The following NBAS variants were observed in gnomAD, a reference collection of about 807,000 sequenced individuals.
NBAS encodes the protein NAG/BC035112 fusion.
A neutral mutation model predicts 302.5 loss-of-function variants in NBAS; 219 were observed. That is an observed-to-expected ratio of 0.72 (90% CI 0.65 to 0.81). The LOEUF (loss-of-function observed/expected upper bound fraction) is 0.81. Among genes scored for constraint, NBAS ranks in the 30% least tolerant of loss-of-function variants. The pLI, the probability that NBAS is intolerant of heterozygous loss-of-function variation, is 0.00. For synonymous variants in NBAS, 1,118 were observed against 1,021.6 expected (o/e 1.09, Z -1.80); for missense variants, 2,932 against 2,841.6 (o/e 1.03, Z -0.72).
At chr2:15,139,650 T>C in the NBAS span, among the ~76,000 whole-genome samples, 2 of 152,196 alleles carry the variant, frequency 1.3e-5, no homozygotes, top group Non-Finnish European at 2.9e-5. Context: ...TTTATTGGTC[T>C]CATTTATGAA....
At chr2:14,986,485 C>CAT in the NBAS span, among the ~76,000 whole-genome samples, 2 of 152,100 alleles carry the variant, frequency 1.3e-5, no homozygotes, top group Non-Finnish European at 2.9e-5. Flanking sequence ...AGGAGGTTTT[C>CAT]ATATATATTA....
chr2:15,110,122 G>A, the NBAS span, among the ~76,000 whole-genome samples: 1 of 152,062 alleles, frequency 6.6e-6, no homozygotes, highest in Non-Finnish European at 1.5e-5. Flanking sequence ...GAGTGGCCAA[G>A]GGAAGCTGCA....
At chr2:15,321,767 AG>A (rs1478348877) in intron 38 of NBAS, among the ~76,000 whole-genome samples, 5 of 152,210 alleles carry the variant, frequency 3.3e-5, no homozygotes, top group African/African-American at 1.2e-4. Flanking sequence ...GTGGAGAAAC[AG>A]GAACACTTTT....
At chr2:14,854,189 A>G in the NBAS span, among the ~76,000 whole-genome samples, 1 of 151,980 alleles carries the variant, frequency 6.6e-6, no homozygotes, top group African/African-American at 2.4e-5. Context: ...TGCAGTACTA[A>G]GAGGGAAGTT....
At chr2:15,480,796 G>T (rs1278656225) in intron 12 of NBAS, among the ~76,000 whole-genome samples, 2 of 152,156 alleles carry the variant, frequency 1.3e-5, no homozygotes, top group African/African-American at 4.8e-5. Flanking sequence ...TTTTAGGGGG[G>T]ATGTTAATGA....
intron 9 of NBAS, among the ~76,000 whole-genome samples, chr2:15,513,458 T>C (rs1042622340): frequency 6.6e-6 from 1 of 152,194 alleles, no homozygotes; most frequent in African/African-American, 2.4e-5. Flanking sequence ...GGAGTATATC[T>C]AGTGCAGATA....
At position 15,475,547 on chromosome 2, in the gene NBAS, ATAC is replaced by A. The variant is rs543574950; in HGVS notation, c.1341+137_1341+139del. Reference sequence around the variant, plus strand: ...TTATTCACTAAAAAATGGATTTTTTATACTACAACCATTACCTGATTCCAATCA... The same window carrying A: ...TTATTCACTAAAAAATGGATTTTTTATACAACCATTACCTGATTCCAATCA... On this transcript the variant is annotated intron_variant, in intron 14 of 51. Coordinates refer to ENST00000281513, the MANE Select transcript of NBAS (RefSeq NM_015909.4). 7.6e-5 allele frequency: 66 copies of A among 870,944 alleles called. No individual in the cohort carries two copies. The African/African-American group carries it at 1.1e-3, about 15-fold the overall frequency. The allele number at this position is 870,944 out of a possible 1,614,324, so 54.0% of individuals were successfully genotyped here. A position where few individuals can be genotyped will look rare whatever the true frequency, so the allele number is the denominator to read the frequency against.
Position 15,287,072 on chromosome 2 carries a change from C to G in NBAS, c.5138+1G>C, listed in dbSNP as rs757792487. 1 of 1,597,870 alleles carries G rather than the reference C, an allele frequency of 6.3e-7. No homozygotes were observed. The highest frequency in any genetic ancestry group is 2.2e-5 in the East Asian group (1 of 44,778). ...AACGTACATATGAACTGTGTGCTTA[C>G]CCACTGTCCGTGAAGAGGAACTCCA... On this transcript the variant is annotated splice_donor_variant, in intron 42 of 51. Coordinates refer to ENST00000281513, the MANE Select transcript of NBAS (RefSeq NM_015909.4). LOFTEE classifies it high-confidence loss of function.
rs569730812 is a variant in NBAS at position 15,535,911 on chromosome 2, T to A, written c.647+507A>T. On this transcript the variant is annotated intron_variant, in intron 8 of 51. Coordinates refer to ENST00000281513, the MANE Select transcript of NBAS (RefSeq NM_015909.4). ...TTTTAAACACTAGTTGTTCTGGGAG[T>A]GGGTATGGAAAGAGATTTACTCGGA... Among the ~76,000 whole-genome samples, 106 of 152,010 alleles carry A rather than the reference T, an allele frequency of 7.0e-4. No individual in the cohort carries two copies. The Middle Eastern group carries it at 0.014, about 20-fold the overall frequency.
At chr2:15,085,704 C>T in the NBAS span, among the ~76,000 whole-genome samples, 1 of 152,200 alleles carries the variant, frequency 6.6e-6, no homozygotes, top group Admixed American at 6.5e-5. Flanking sequence ...GAAGGCCCCC[C>T]ATGCTCTTGT....
At chr2:15,542,604 A>G (rs1224466173) in intron 6 of NBAS, among the ~76,000 whole-genome samples, 1 of 150,824 alleles carries the variant, frequency 6.6e-6, no homozygotes, top group Non-Finnish European at 1.5e-5. Flanking sequence ...CCTCTGCGAG[A>G]AACACCCAAG....
At chr2:14,880,731 T>A in the NBAS span, among the ~76,000 whole-genome samples, 1 of 151,946 alleles carries the variant, frequency 6.6e-6, no homozygotes, top group East Asian at 1.9e-4. Context: ...TCTGGAAAAC[T>A]ACAACAATGT....
At chr2:14,787,504 T>C in the NBAS span, among the ~76,000 whole-genome samples, 3 of 152,214 alleles carry the variant, frequency 2.0e-5, no homozygotes, top group Non-Finnish European at 4.4e-5. Context: ...GGAGCTCTTT[T>C]AGGGCAGGCC....
chr2:15,109,218 A>C, the NBAS span, among the ~76,000 whole-genome samples: 2 of 152,168 alleles, frequency 1.3e-5, no homozygotes, highest in African/African-American at 4.8e-5. Context: ...AATAAGAGAT[A>C]ATGTGCTTGA....
At chr2:14,960,850 G>T in the NBAS span, among the ~76,000 whole-genome samples, 1 of 152,132 alleles carries the variant, frequency 6.6e-6, no homozygotes, top group African/African-American at 2.4e-5. Context: ...AACAAGACCT[G>T]GCCTTCCTTC....
the NBAS span, among the ~76,000 whole-genome samples, chr2:15,065,145 T>C: frequency 2.0e-3 from 304 of 152,252 alleles, 1 homozygote; most frequent in African/African-American, 5.3e-3. Flanking sequence ...ATGTTGATTC[T>C]TTCACGATAT....
rs760670836 is a variant in NBAS, at chr2:15,536,410, A to AT, written c.647+7dup. The AT allele has an allele frequency of 2.5e-6, 4 of 1,612,936 alleles. No individual in the cohort carries two copies. In the African/African-American group the frequency reaches 5.3e-5, roughly 21 times the overall value. On this transcript the variant is annotated splice_region_variant and intron_variant, in intron 8 of 51. Transcript: ENST00000281513. ...ATTTCAAATATGGCTTCCAAAGCAC[A>AT]TTTTTACCTTACAAGGTAACTTCTA...
chr2:15,337,267 G>C (rs1672629059), intron 35 of NBAS, among the ~76,000 whole-genome samples: 3 of 152,026 alleles, frequency 2.0e-5, no homozygotes, highest in Admixed American at 1.3e-4. Context: ...GCTGCAGTTA[G>C]CTATAATCGT....
chr2:15,038,112 CTTTTTTTT>C, the NBAS span, among the ~76,000 whole-genome samples: 1 of 118,546 alleles, frequency 8.4e-6, no homozygotes, highest in Non-Finnish European at 1.7e-5. Context: ...TGACTTTATT[CTTTTTTTT>C]TTTTTTTTTT....
Sources: gnomAD v4.1 joint callset for allele counts (sites outside exome capture counted in the v4.1 genomes callset) on GRCh38, gnomAD v4.1.1 for gene constraint, MANE v1.5 for transcripts, NCBI Gene and HGNC (gene_info 2026-07-23, HGNC 2026-07-21) for gene names.